Variants in GARNL3 observed in about 807,000 individuals in gnomAD.
GARNL3 encodes GTPase-activating Rap/Ran-GAP domain-like protein 3.
GARNL3 carries 63 observed loss-of-function variants against 125.0 expected under a neutral mutation model. The ratio of observed to expected loss-of-function variants is 0.50; its 90% CI spans 0.41 to 0.62. GARNL3 has a LOEUF of 0.62. GARNL3 is among the 20% of genes least tolerant of loss of function. The pLI, the probability that GARNL3 is intolerant of heterozygous loss-of-function variation, is 0.00. For missense variants in GARNL3, 994 were observed against 1,244.0 expected, an observed-to-expected ratio of 0.80 and a Z score of 3.02; for synonymous variants, 439 against 457.5, an observed-to-expected ratio of 0.96 and a Z score of 0.52.
intron 1 of GARNL3, among the ~76,000 whole-genome samples, chr9:127,268,748 TA>T (rs1231355708): frequency 6.6e-6 from 1 of 152,178 alleles, no homozygotes; most frequent in East Asian, 1.9e-4. Flanking sequence ...CTCAAAAAGC[TA>T]AAAACAGAGC....
chr9:127,313,115 C>T (rs954661006), intron 3 of GARNL3, among the ~76,000 whole-genome samples: 4 of 152,154 alleles, frequency 2.6e-5, no homozygotes, highest in Non-Finnish European at 5.9e-5. Flanking sequence ...TCAGGAATTC[C>T]AGGCATCACT....
chr9:127,251,173 C>T (rs1051698696), intron 2 of GARNL3, among the ~76,000 whole-genome samples: 1 of 152,176 alleles, frequency 6.6e-6, no homozygotes, highest in East Asian at 1.9e-4. Flanking sequence ...TTGGGCTGCC[C>T]TGCCCTAAAT....
intron 1 of GARNL3, among the ~76,000 whole-genome samples, chr9:127,268,441 T>G (rs1448623264): frequency 1.3e-5 from 2 of 152,246 alleles, no homozygotes; most frequent in Non-Finnish European, 2.9e-5. Flanking sequence ...CATTTCTCTG[T>G]GTCTGTATCA....
intron 1 of GARNL3, among the ~76,000 whole-genome samples, chr9:127,231,040 A>ATTTT (rs1376359454): frequency 1.7e-4 from 8 of 46,352 alleles, no homozygotes; most frequent in Non-Finnish European, 3.0e-4. Flanking sequence ...ATATACATAT[A>ATTTT]TATATATATA....
intron 1 of GARNL3, among the ~76,000 whole-genome samples, chr9:127,274,500 T>A (rs2063903239): frequency 6.6e-6 from 1 of 152,128 alleles, no homozygotes; most frequent in East Asian, 1.9e-4. Context: ...AGTCCTGGCT[T>A]CCTCATGCTC....
chr9:127,338,274 G>A (rs775735906), intron 12 of GARNL3, 113 bp downstream of exon 12: 144 of 847,950 alleles, frequency 1.7e-4, no homozygotes, highest in Non-Finnish European at 2.6e-4. Flanking sequence ...TAATATGAGT[G>A]CCTGCACCTT....
chr9:127,314,216 C>CTA lies in GARNL3; in HGVS notation c.438+660_438+661dup, dbSNP rs548375462. On this transcript the variant is annotated intron_variant, in intron 4 of 27. Transcript: ENST00000373387. The stretch of plus-strand genomic sequence containing the variant: ...CTTCCTGGGGCACATCCGCTATGAG[C>CTA]TATAGGTCAGATGTGAGGAGGCAGG... Among the ~76,000 whole-genome samples, 6 of 152,318 alleles carry CTA rather than the reference C, an allele frequency of 3.9e-5. No homozygotes were observed. In the South Asian group the frequency reaches 1.2e-3, roughly 32 times the overall value.
At position 127,266,028 on chromosome 9, in the gene GARNL3, TA is replaced by T. The variant is rs1382775499; in HGVS notation, c.144+1009del. ...GCTTACTGTCCTCTGGCTGGGCAGATAAGACACATAAAATATCTGAAGAATG... is the reference window on the plus strand; with the variant it reads ...GCTTACTGTCCTCTGGCTGGGCAGATAGACACATAAAATATCTGAAGAATG... On this transcript the variant is annotated intron_variant, in intron 1 of 27. Coordinates refer to ENST00000373387, the MANE Select transcript of GARNL3 (RefSeq NM_032293.5). The surrounding 1 kb of genome is among the most constrained non-coding windows in gnomAD (Gnocchi z 4.0). Among the ~76,000 whole-genome samples, 2 of 152,204 alleles carry T rather than the reference TA, an allele frequency of 1.3e-5. No homozygotes were observed. The highest frequency in any genetic ancestry group is 4.8e-5 in the African/African-American group (2 of 41,456).
intron 2 of GARNL3, 84 bp from the exon 3 acceptor site, chr9:127,311,552 G>A: frequency 2.2e-6 from 2 of 915,926 alleles, no homozygotes; most frequent in Non-Finnish European, 3.6e-6. Context: ...TGATTTTTCT[G>A]GTTCTTTGGC....
chr9:127,314,157 G>T (rs114486389), intron 4 of GARNL3, among the ~76,000 whole-genome samples: 1 of 152,170 alleles, frequency 6.6e-6, no homozygotes, highest in Non-Finnish European at 1.5e-5. Flanking sequence ...CCAGGTCTCC[G>T]CTAGTCTCTG....
At chr9:127,346,909 G>C (rs1329979495) in intron 16 of GARNL3, among the ~76,000 whole-genome samples, 1 of 152,194 alleles carries the variant, frequency 6.6e-6, no homozygotes, top group Non-Finnish European at 1.5e-5. Flanking sequence ...TGAAAGCCTG[G>C]AGACCACATT....
chr9:127,344,022 C>G (rs1402768000), intron 14 of GARNL3, among the ~76,000 whole-genome samples: 2 of 152,030 alleles, frequency 1.3e-5, no homozygotes, highest in African/African-American at 2.4e-5. Context: ...GTCCTCAGCC[C>G]CCATGCAATG....
chr9:127,307,436 C>T (rs944796673), intron 2 of GARNL3, among the ~76,000 whole-genome samples: 2 of 152,194 alleles, frequency 1.3e-5, no homozygotes, highest in African/African-American at 4.8e-5. Flanking sequence ...GAAGTTTAAA[C>T]GTCCTGATGA....
intron 11 of GARNL3, 145 bp downstream of exon 11, chr9:127,336,381 A>G: frequency 1.7e-6 from 1 of 582,012 alleles, no homozygotes; most frequent in Non-Finnish European, 3.0e-6. Flanking sequence ...TTTCCTAAGC[A>G]TTGTGTATAG....
intron 2 of GARNL3, among the ~76,000 whole-genome samples, chr9:127,252,149 G>A (rs1037731044): frequency 6.6e-6 from 1 of 152,110 alleles, no homozygotes; most frequent in African/African-American, 2.4e-5. Context: ...GTTTTCTGTG[G>A]AACCTCCCTG....
upstream of GARNL3, among the ~76,000 whole-genome samples, chr9:127,263,418 A>G (rs1381974027): frequency 6.6e-6 from 1 of 152,152 alleles, no homozygotes; most frequent in East Asian, 1.9e-4. Context: ...CATTTAGTCA[A>G]CAGCCATTGG....
Position 127,388,995 on chromosome 9 carries a change from C to T in GARNL3, c.2619C>T (p.Ser873=), listed in dbSNP as rs779705261. The T allele has an allele frequency of 2.0e-5, 32 of 1,613,314 alleles. No homozygotes were observed. In the South Asian group the frequency reaches 3.5e-4, roughly 18 times the overall value. The part of the protein sequence containing the change: ...IERPLKSPLV[S]KVITPPTPIS... Reference sequence around the variant, plus strand: ...GACCTCTGAAGTCACCCTTAGTCTCCAAGGTCATCACCCCACCCACTCCCA... The same window carrying T: ...GACCTCTGAAGTCACCCTTAGTCTCTAAGGTCATCACCCCACCCACTCCCA... Residue 873 remains serine, a synonymous_variant, in exon 26 of 28, where the codon TCC becomes TCT. Coordinates refer to ENST00000373387, the MANE Select transcript of GARNL3 (RefSeq NM_032293.5).
intron 20 of GARNL3, 64 bp from the exon 21 acceptor site, chr9:127,357,155 G>T (rs1830731280): frequency 2.2e-5 from 34 of 1,538,496 alleles, no homozygotes; most frequent in Non-Finnish European, 3.0e-5. Flanking sequence ...GGGCAGTGGG[G>T]CTTGGCATGG....
At chr9:127,380,915 T>C (rs1325675050) in intron 22 of GARNL3, among the ~76,000 whole-genome samples, 1 of 152,208 alleles carries the variant, frequency 6.6e-6, no homozygotes, top group African/African-American at 2.4e-5. Context: ...AGTCTAGCTT[T>C]GTCACCAGGC....
Sources: allele counts gnomAD v4.1 joint callset (sites outside exome capture counted in the v4.1 genomes callset), GRCh38; gene constraint gnomAD v4.1.1; non-coding constraint Gnocchi (gnomAD v3.1); transcripts MANE v1.5; gene names NCBI Gene and HGNC (gene_info 2026-07-23, HGNC 2026-07-21).